Variants in ERBB4 observed in about 807,000 individuals in gnomAD.
ERBB4 encodes erb-b2 receptor tyrosine kinase 4, also known as receptor tyrosine-protein kinase erbB-4.
A neutral mutation model predicts 158.0 loss-of-function variants in ERBB4; 42 were observed. The observed-to-expected ratio is 0.27, with a 90% CI of 0.21 to 0.34. The LOEUF (loss-of-function observed/expected upper bound fraction) is 0.34. ERBB4 is among the 10% of genes least tolerant of loss of function. The pLI is 1.00. For synonymous variants in ERBB4, 583 were observed against 558.7 expected (o/e 1.04, Z -0.61); for missense variants, 1,333 against 1,624.1 (o/e 0.82, Z 3.08).
intron 15 of ERBB4, among the ~76,000 whole-genome samples, chr2:211,658,390 AC>A (rs961138727): frequency 8.3e-4 from 126 of 151,836 alleles, no homozygotes; most frequent in African/African-American, 2.6e-3. Flanking sequence ...TAAAAAAAAA[AC>A]AATAAGAAAA....
chr2:212,117,388 G>A lies in ERBB4; in HGVS notation c.234+7364C>T, dbSNP rs141283749. Among the ~76,000 whole-genome samples the A allele has an allele frequency of 7.2e-5, 11 of 152,222 alleles. No homozygotes were observed. The East Asian group carries it at 2.1e-3, about 29-fold the overall frequency. ...GTACAGTTTCCTTGAATCTAATGAT[G>A]GCGAAGTCTAGGTATTTCAATGTTG... On this transcript the variant is annotated intron_variant, in intron 2 of 27. Transcript: ENST00000342788.
rs545128529 is a variant in ERBB4, at chr2:211,889,749, C to T, written c.421+57681G>A. Reference sequence around the variant, plus strand: ...GCTGAAAACCAAGGCTCGAGAACTACGTGAAGAATGCAGAAGCCTCAGGAG... The same window carrying T: ...GCTGAAAACCAAGGCTCGAGAACTATGTGAAGAATGCAGAAGCCTCAGGAG... On this transcript the variant is annotated intron_variant, in intron 3 of 27. Transcript: ENST00000342788. Among the ~76,000 whole-genome samples the T allele has an allele frequency of 2.9e-3, 435 of 150,790 alleles. 2 individuals carry two copies. Among genetic ancestry groups the T allele is most frequent in the Non-Finnish European group, 4.9e-3 (330 of 67,798 alleles).
intron 20 of ERBB4, among the ~76,000 whole-genome samples, chr2:211,534,216 G>A (rs1353406087): frequency 1.3e-5 from 2 of 152,054 alleles, no homozygotes; most frequent in Non-Finnish European, 2.9e-5. Flanking sequence ...CGCAGGCTAA[G>A]CCTCCCACCT....
At chr2:212,091,200 TAA>T (rs35873863) in intron 2 of ERBB4, among the ~76,000 whole-genome samples, 346 of 146,990 alleles carry the variant, frequency 2.4e-3, no homozygotes, top group Middle Eastern at 3.5e-3. Flanking sequence ...AGGAGACAGG[TAA>T]AAAAAAAAAA....
chr2:211,704,084 C>T lies in ERBB4; in HGVS notation c.1289+20G>A. On this transcript the variant is annotated intron_variant, in intron 11 of 27. Transcript: ENST00000342788. The stretch of plus-strand genomic sequence containing the variant: ...CTCTTGAAATCTGTGAGCCCTGCAG[C>T]TTTAAACATATCCACTTACCTATAG... 7.1e-7 allele frequency: 1 copy of T among 1,402,404 alleles called. No individual in the cohort carries two copies. 86.9% of individuals were successfully genotyped at this position (1,402,404 alleles called of 1,614,324 possible).
chr2:211,740,622 C>CTTTTTTTTTTTTTTTTTTTT (rs1169540948), intron 5 of ERBB4, among the ~76,000 whole-genome samples: 4 of 90,174 alleles, frequency 4.4e-5, no homozygotes, highest in Non-Finnish European at 6.0e-5. Flanking sequence ...TTTTCTTTGT[C>CTTTTTTTTTTTTTTTTTTTT]TTTTTTTTTT....
At chr2:211,501,497 T>TAA (rs71047178) in intron 20 of ERBB4, among the ~76,000 whole-genome samples, 14,224 of 150,910 alleles carry the variant, frequency 0.094, 802 homozygotes, top group African/African-American at 0.15. Flanking sequence ...CCATAAAAAT[T>TAA]AAAAAAAACA....
intron 1 of ERBB4, among the ~76,000 whole-genome samples, chr2:212,199,546 C>T (rs1358963481): frequency 6.6e-6 from 1 of 152,124 alleles, no homozygotes; most frequent in Non-Finnish European, 1.5e-5. Flanking sequence ...ATTACTCAGG[C>T]TAGAGGTCTT....
intron 1 of ERBB4, among the ~76,000 whole-genome samples, chr2:212,455,819 T>C (rs549155926): frequency 4.6e-5 from 7 of 152,232 alleles, no homozygotes; most frequent in African/African-American, 1.7e-4. Context: ...TATGAAAAAA[T>C]TTATTGTTAA....
chr2:212,462,377 A>ATCC (rs1688620803), intron 1 of ERBB4, among the ~76,000 whole-genome samples: 1 of 152,238 alleles, frequency 6.6e-6, no homozygotes, highest in African/African-American at 2.4e-5. Flanking sequence ...TAATATGCAG[A>ATCC]ATATACAATG....
intron 2 of ERBB4, among the ~76,000 whole-genome samples, chr2:211,958,178 T>C (rs1386036199): frequency 6.6e-6 from 1 of 152,048 alleles, no homozygotes. Flanking sequence ...AATTAATTTA[T>C]AAAAAAACAA....
At chr2:212,257,577 A>T (rs1173980969) in intron 1 of ERBB4, among the ~76,000 whole-genome samples, 1 of 152,152 alleles carries the variant, frequency 6.6e-6, no homozygotes, top group African/African-American at 2.4e-5. Context: ...AAGAAATAAA[A>T]TTTACTAAAA....
intron 1 of ERBB4, among the ~76,000 whole-genome samples, chr2:212,534,602 G>C (rs1051998597): frequency 6.6e-6 from 1 of 152,172 alleles, no homozygotes; most frequent in African/African-American, 2.4e-5. Flanking sequence ...GTGGCTGAGT[G>C]GCAGGTTACT....
chr2:212,080,579 G>T (rs1435792233), intron 2 of ERBB4, among the ~76,000 whole-genome samples: 2 of 146,594 alleles, frequency 1.4e-5, no homozygotes, highest in African/African-American at 2.6e-5. Flanking sequence ...TAGCCTCAGA[G>T]TTCACCCAAT....
At chr2:212,019,193 T>C (rs1164530965) in intron 2 of ERBB4, among the ~76,000 whole-genome samples, 2 of 152,176 alleles carry the variant, frequency 1.3e-5, no homozygotes, top group African/African-American at 4.8e-5. Context: ...ACAAAAATAA[T>C]GCAATTTCTT....
At chr2:212,440,958 T>C (rs1282718659) in intron 1 of ERBB4, among the ~76,000 whole-genome samples, 3 of 152,146 alleles carry the variant, frequency 2.0e-5, no homozygotes, top group Admixed American at 6.5e-5. Flanking sequence ...TCTCCTAAGA[T>C]TGCCCTGAGG....
rs139852769 is a variant in ERBB4, at chr2:212,470,778, AAAG to A, written c.82+67668_82+67670del. Among the ~76,000 whole-genome samples, 295 of 152,208 alleles carry A rather than the reference AAAG, an allele frequency of 1.9e-3. 2 individuals carry two copies. The highest frequency in any genetic ancestry group is 6.7e-3 in the African/African-American group (278 of 41,554). On this transcript the variant is annotated intron_variant, in intron 1 of 27. Coordinates refer to ENST00000342788, the MANE Select transcript of ERBB4 (RefSeq NM_005235.3). ...TATACACTAAAGGGCTAACAATCTA[AAAG>A]AAGAGATTATGGATTATCTCAATGT... is the stretch of plus-strand genomic sequence containing the variant.
At chr2:211,452,162 A>T (rs1330743016) in intron 20 of ERBB4, among the ~76,000 whole-genome samples, 1 of 150,152 alleles carries the variant, frequency 6.7e-6, no homozygotes, top group Non-Finnish European at 1.5e-5. Context: ...CTCAGATAAT[A>T]CATTTGTAAT....
rs374645493 is a variant in ERBB4 at position 211,604,205 on chromosome 2, AC to A, written c.2301+14971del. On this transcript the variant is annotated intron_variant, in intron 19 of 27. Coordinates refer to ENST00000342788, the MANE Select transcript of ERBB4 (RefSeq NM_005235.3). ...GTAAGGTGTTATCGGTGCAATCAAC[AC>A]CCTGAGAGAAAGAAACATGATTTGA... Among the ~76,000 whole-genome samples, 4 of 152,168 alleles carry A rather than the reference AC, an allele frequency of 2.6e-5. No individual in the cohort carries two copies. The East Asian group carries it at 7.7e-4, about 29-fold the overall frequency.
Sources: gnomAD v4.1 joint callset for allele counts (sites outside exome capture counted in the v4.1 genomes callset) on GRCh38, gnomAD v4.1.1 for gene constraint, MANE v1.5 for transcripts, NCBI Gene and HGNC (gene_info 2026-07-23, HGNC 2026-07-21) for gene names.